Variants in AGPAT3 observed in about 807,000 individuals in gnomAD.
AGPAT3 encodes 1-acyl-sn-glycerol-3-phosphate acyltransferase gamma.
A neutral mutation model predicts 47.3 loss-of-function variants in AGPAT3; 5 were observed. That is an observed-to-expected ratio of 0.11 (90% CI 0.06 to 0.22). The LOEUF (loss-of-function observed/expected upper bound fraction) is 0.22, where lower values mean the gene tolerates loss of function less well. Ranked by LOEUF, AGPAT3 falls within the 10% of genes least tolerant of loss-of-function variation. AGPAT3 has a pLI of 1.00. For synonymous variants in AGPAT3, 212 were observed against 208.3 expected, an observed-to-expected ratio of 1.02 and a Z score of -0.15; for missense variants, 315 against 493.0, an observed-to-expected ratio of 0.64 and a Z score of 3.42.
chr21:43,943,015 C>A (rs190992124), intron 2 of AGPAT3, among the ~76,000 whole-genome samples: 1 of 152,326 alleles, frequency 6.6e-6, no homozygotes, highest in East Asian at 1.9e-4. Context: ...GGGAGGCCCG[C>A]TCCCCAGGGC....
At chr21:43,948,067 TTGA>T (rs577194629) in intron 2 of AGPAT3, 1 of 152,268 alleles carries the variant, frequency 6.6e-6, no homozygotes, top group African/African-American at 2.4e-5. Context: ...GTAATAGCTG[TTGA>T]TGATGTAAGC....
chr21:43,878,030 A>G (rs59116391), intron 1 of AGPAT3, among the ~76,000 whole-genome samples: 18,138 of 151,864 alleles, frequency 0.12, 2,225 homozygotes, highest in African/African-American at 0.32. Context: ...TCCAGCTCAG[A>G]TCCCATCACA....
At position 43,984,457 on chromosome 21, in the gene AGPAT3, A is replaced by G. The variant is rs7435; in HGVS notation, c.*2065A>G. 53,963 of 152,588 alleles carry G rather than the reference A, an allele frequency of 0.35. 9,806 individuals are homozygous for G. Among genetic ancestry groups the G allele is most frequent in the African/African-American group, 0.43 (17,963 of 41,488 alleles). 9.5% of individuals were successfully genotyped at this position (152,588 alleles called of 1,614,324 possible). ...AATTTAGATCTTTTATGATTTAATT[A>G]TTATTGTTTCCCATAGAAGTTCCCT... On this transcript the variant is annotated 3_prime_UTR_variant, in exon 10 of 10. Coordinates refer to ENST00000291572, the MANE Select transcript of AGPAT3 (RefSeq NM_020132.5).
rs146149867 is a variant in AGPAT3, at chr21:43,955,681, G to A, written c.-48-3953G>A. On this transcript the variant is annotated intron_variant, in intron 2 of 9. Transcript: ENST00000291572. This position sits in a 1 kb window ranked among gnomAD's most constrained non-coding sequence, Gnocchi z 4.1. ...AGCGCTTTGGGAGGTCGAGTTGGGC[G>A]GATTACCTGAGGTCAGGAGATCGAG... Among the ~76,000 whole-genome samples, 28 of 152,054 alleles carry A rather than the reference G, an allele frequency of 1.8e-4. No homozygotes were observed. Among genetic ancestry groups the A allele is most frequent in the African/African-American group, 5.5e-4 (23 of 41,540 alleles).
chr21:43,876,045 TC>T (rs2085726266), intron 1 of AGPAT3, among the ~76,000 whole-genome samples: 1 of 152,126 alleles, frequency 6.6e-6, no homozygotes, highest in Non-Finnish European at 1.5e-5. Flanking sequence ...CACCTCAGCC[TC>T]CCAAGTGCTG....
Position 43,970,691 on chromosome 21 carries a change from C to T in AGPAT3, c.549C>T (p.Thr183=). Reference sequence around the variant, plus strand: ...GCGAGGGGACGCGCTTCACGGAGACCAAGCACCGCGTTAGCATGGAGGTGG... The same window carrying T: ...GCGAGGGGACGCGCTTCACGGAGACTAAGCACCGCGTTAGCATGGAGGTGG... ...LYCEGTRFTE[T]KHRVSMEVAA... is the part of the protein sequence containing the mutation. The change falls in exon 6 of 10, where the codon ACC becomes ACT. Residue 183 remains threonine (T), a synonymous_variant. Coordinates refer to ENST00000291572, the MANE Select transcript of AGPAT3 (RefSeq NM_020132.5). This position sits in a 1 kb window ranked among gnomAD's most constrained non-coding sequence, Gnocchi z 5.8. 4.3e-6 allele frequency: 7 copies of T among 1,613,908 alleles called. No homozygotes were observed. The highest frequency in any genetic ancestry group is 5.9e-6 in the Non-Finnish European group (7 of 1,179,890).
chr21:43,871,045 T>G (rs1361994058), intron 1 of AGPAT3, among the ~76,000 whole-genome samples: 1 of 152,216 alleles, frequency 6.6e-6, no homozygotes, highest in East Asian at 1.9e-4. Flanking sequence ...TTATATGCAA[T>G]GTATTTATTT....
intron 1 of AGPAT3, among the ~76,000 whole-genome samples, chr21:43,897,103 G>A (rs1424063917): frequency 2.0e-5 from 3 of 151,910 alleles, no homozygotes; most frequent in East Asian, 1.9e-4. Flanking sequence ...AGGACCCTGC[G>A]GCCTTCCGCA....
rs866773866 is a variant in AGPAT3 at position 43,934,991 on chromosome 21, G to A, written c.-48-24643G>A. Among the ~76,000 whole-genome samples the A allele has an allele frequency of 4.0e-5, 6 of 148,716 alleles. No individual in the cohort carries two copies. Among genetic ancestry groups the A allele is most frequent in the South Asian group, 2.1e-4 (1 of 4,676 alleles). Reference sequence around the variant, plus strand: ...ATTGACACGCCACCACGCCACTTACGCCACCCACGCTACTACCCATGCCAC... The same window carrying A: ...ATTGACACGCCACCACGCCACTTACACCACCCACGCTACTACCCATGCCAC... On this transcript the variant is annotated intron_variant, in intron 2 of 9. Transcript: ENST00000291572. This position sits in a 1 kb window ranked among gnomAD's most constrained non-coding sequence, Gnocchi z 4.7.
intron 8 of AGPAT3, among the ~76,000 whole-genome samples, chr21:43,980,224 C>T (rs1352473333): frequency 4.8e-5 from 7 of 146,842 alleles, no homozygotes; most frequent in African/African-American, 1.5e-4. Flanking sequence ...TGCAGTGAGC[C>T]GAGATCGTAC....
rs1474568425 is a variant in AGPAT3 at position 43,932,196 on chromosome 21, G to A, written c.-48-27438G>A. Among the ~76,000 whole-genome samples the A allele has an allele frequency of 2.0e-5, 3 of 152,150 alleles. No homozygotes were observed. Among genetic ancestry groups the A allele is most frequent in the Admixed American group, 6.5e-5 (1 of 15,278 alleles). On this transcript the variant is annotated intron_variant, in intron 2 of 9. Transcript: ENST00000291572. This position sits in a 1 kb window ranked among gnomAD's most constrained non-coding sequence, Gnocchi z 5.2. ...TAACTGGTCGCCACGCAGCGCGGCC[G>A]ATCACGAACACGTCCCTCCAGTCTA...
At position 43,952,360 on chromosome 21, in the gene AGPAT3, C is replaced by G. The variant is rs1323340145; in HGVS notation, c.-48-7274C>G. Among the ~76,000 whole-genome samples the G allele has an allele frequency of 6.6e-6, 1 of 152,174 alleles. No homozygotes were observed. The highest frequency in any genetic ancestry group is 1.5e-5 in the Non-Finnish European group (1 of 68,034). On this transcript the variant is annotated intron_variant, in intron 2 of 9. Coordinates refer to ENST00000291572, the MANE Select transcript of AGPAT3 (RefSeq NM_020132.5). The surrounding 1 kb of genome is among the most constrained non-coding windows in gnomAD (Gnocchi z 5.6). Reference sequence around the variant, plus strand: ...AATTACTGTGTTAAAGGCCCTGTCTCCAAATAAGGTCACATTTCGAGGACC... The same window carrying G: ...AATTACTGTGTTAAAGGCCCTGTCTGCAAATAAGGTCACATTTCGAGGACC...
rs1213318818 is a variant in AGPAT3 at position 43,920,853 on chromosome 21, C to T, written c.-49+16834C>T. On this transcript the variant is annotated intron_variant, in intron 2 of 9. Transcript: ENST00000291572. This position sits in a 1 kb window ranked among gnomAD's most constrained non-coding sequence, Gnocchi z 6.1. ...AAAAACCAGTAAATGAGGCCAGGCG[C>T]GGTGGCTCACGCCTGTAATCCCAGC... 4.0e-5 allele frequency among the ~76,000 whole-genome samples: 6 copies of T among 151,240 alleles called. No homozygotes were observed. Among genetic ancestry groups the T allele is most frequent in the African/African-American group, 4.9e-5 (2 of 41,042 alleles).
In AGPAT3 at chr21:43,958,887, G is replaced by A. The variant is rs1191952085; in HGVS notation, c.-48-747G>A. Among the ~76,000 whole-genome samples the A allele has an allele frequency of 2.1e-5, 3 of 141,264 alleles. 1 individual carries two copies. The highest frequency in any genetic ancestry group is 4.6e-5 in the Non-Finnish European group (3 of 65,062). 92.7% of individuals were successfully genotyped at this position (141,264 alleles called of 152,430 possible). ...GTGTGTGTGGTGTGTGGTGTGTATG[G>A]TGTGTGTGTGGGTGGTGGGGTGGTG... On this transcript the variant is annotated intron_variant, in intron 2 of 9. Coordinates refer to ENST00000291572, the MANE Select transcript of AGPAT3 (RefSeq NM_020132.5).
Position 43,878,425 on chromosome 21 carries a change from G to A in AGPAT3, c.-112+13080G>A, listed in dbSNP as rs531360086. 2.0e-5 allele frequency among the ~76,000 whole-genome samples: 3 copies of A among 152,354 alleles called. No individual in the cohort carries two copies. In the South Asian group the frequency reaches 6.2e-4, roughly 32 times the overall value. ...GACCTTCCCATTTGCCCCCTCGAGG[G>A]AGGGCTGCACTGGGCTCCGCTGTGT... On this transcript the variant is annotated intron_variant, in intron 1 of 9. Transcript: ENST00000291572.
rs953215796 is a variant in AGPAT3 at position 43,974,497 on chromosome 21, G to A, written c.767+3007G>A. Among the ~76,000 whole-genome samples, 3 of 150,744 alleles carry A rather than the reference G, an allele frequency of 2.0e-5. No individual in the cohort carries two copies. In the South Asian group the frequency reaches 6.3e-4, roughly 31 times the overall value. On this transcript the variant is annotated intron_variant, in intron 7 of 9. Transcript: ENST00000291572. ...TGTGTGCAAAATGGGTGGGTTTGGTGTGTGGGGTATGTGTGGTATAGTGTG... is the reference window on the plus strand; with the variant it reads ...TGTGTGCAAAATGGGTGGGTTTGGTATGTGGGGTATGTGTGGTATAGTGTG...
At chr21:43,901,320 T>TA (rs34649071) in intron 1 of AGPAT3, among the ~76,000 whole-genome samples, 186 of 129,032 alleles carry the variant, frequency 1.4e-3, no homozygotes, top group Admixed American at 1.7e-3. Context: ...GAAACTCTGT[T>TA]AAAAAAAAAA....
intron 2 of AGPAT3, among the ~76,000 whole-genome samples, chr21:43,947,580 G>T (rs1035271338): frequency 1.3e-5 from 2 of 152,208 alleles, no homozygotes; most frequent in African/African-American, 4.8e-5. Context: ...ATTGTTTGCT[G>T]AAGTGCTCCA....
chr21:43,948,080 C>T (rs768332697), intron 2 of AGPAT3: 3 of 152,218 alleles, frequency 2.0e-5, no homozygotes, highest in Non-Finnish European at 4.4e-5. Flanking sequence ...ATGATGTAAG[C>T]TGTGTTTTTG....
Sources: allele counts gnomAD v4.1 joint callset (sites outside exome capture counted in the v4.1 genomes callset), GRCh38; gene constraint gnomAD v4.1.1; non-coding constraint Gnocchi (gnomAD v3.1); transcripts MANE v1.5; gene names NCBI Gene and HGNC (gene_info 2026-07-23, HGNC 2026-07-21).